CLEC12B: variants seen among roughly 807,000 people sequenced by gnomAD.
The protein encoded by CLEC12B is macrophage antigen h.
A neutral mutation model predicts 36.1 loss-of-function variants in CLEC12B; 25 were observed. The observed-to-expected ratio is 0.69, with a 90% CI of 0.50 to 0.97. CLEC12B has a LOEUF of 0.97. Among genes scored for constraint, CLEC12B ranks in the 50% least tolerant of loss-of-function variants. The pLI, the probability that CLEC12B is intolerant of heterozygous loss-of-function variation, is 0.00. For missense variants in CLEC12B, 325 were observed against 318.4 expected, an observed-to-expected ratio of 1.02 and a Z score of -0.16; for synonymous variants, 110 against 108.5, an observed-to-expected ratio of 1.01 and a Z score of -0.09.
intron 4 of CLEC12B, 99 bp downstream of exon 4, chr12:10,015,505 T>C: frequency 6.4e-7 from 1 of 1,557,726 alleles, no homozygotes; most frequent in South Asian, 1.2e-5. Context: ...TCAGTGCATC[T>C]TGAATTAGAA....
chr12:10,017,684 C>T, intron 5 of CLEC12B: 1 of 937,638 alleles, frequency 1.1e-6, no homozygotes, highest in Non-Finnish European at 1.3e-6. Flanking sequence ...AAGAATATGG[C>T]AGTGTAATGC....
chr12:10,006,632 G>A (rs1184514976), upstream of CLEC12B, among the ~76,000 whole-genome samples: 1 of 152,110 alleles, frequency 6.6e-6, no homozygotes, highest in Non-Finnish European at 1.5e-5. Flanking sequence ...AAGAAAGTTT[G>A]TCACGAAAAG....
Position 10,015,693 on chromosome 12 carries a change from T to A in CLEC12B, c.646T>A (p.Phe216Ile), listed in dbSNP as rs1217535098. The A allele has an allele frequency of 3.1e-6, 5 of 1,613,634 alleles. No homozygotes were observed. Among genetic ancestry groups the A allele is most frequent in the Non-Finnish European group, 4.2e-6 (5 of 1,179,716 alleles). ...ATGGGACTCCTCTGGCAGAAGTTGG[T>A]TCTGGGAAGATGGCTCTGTTCCCTC... is the stretch of plus-strand genomic sequence containing the variant. ...LSWDSSGRSW[F>I]WEDGSVPSPS... The change falls in exon 5 of 6, where the codon TTC (phenylalanine) becomes ATC (isoleucine). Residue 216 changes from phenylalanine to isoleucine, a missense_variant. By Grantham distance (21) the Phe-to-Ile change is conservative (BLOSUM62 0). Transcript: ENST00000338896.
At chr12:10,006,631 T>G (rs962925863), upstream of CLEC12B, among the ~76,000 whole-genome samples, 2 of 152,298 alleles carry the variant, frequency 1.3e-5, no homozygotes, top group Admixed American at 6.5e-5. Context: ...GAAGAAAGTT[T>G]GTCACGAAAA....
Position 10,010,660 on chromosome 12 carries a change from A to T in CLEC12B, c.-100A>T, listed in dbSNP as rs1865303583. 2.9e-6 allele frequency: 2 copies of T among 684,382 alleles called. No individual in the cohort carries two copies. The highest frequency in any genetic ancestry group is 1.7e-5 in the South Asian group (1 of 60,326). The allele number at this position is 684,382 out of a possible 1,614,324, so 42.4% of individuals were successfully genotyped here. On this transcript the variant is annotated 5_prime_UTR_variant, in exon 1 of 6. Transcript: ENST00000338896. The stretch of plus-strand genomic sequence containing the variant: ...AGAGTGTGTCTGGGTCAGCTGAGTG[A>T]CTACATCAAAGCTCCCAGCCTTGAA...
chr12:10,014,788 C>T (rs751300240), intron 3 of CLEC12B, 47 bp downstream of exon 3: 26 of 1,344,756 alleles, frequency 1.9e-5, no homozygotes, highest in Non-Finnish European at 2.8e-5. Context: ...ATATGTTATC[C>T]TGGTCTAAGT....
At chr12:10,008,888 A>C (rs1269330627), upstream of CLEC12B, among the ~76,000 whole-genome samples, 2 of 152,176 alleles carry the variant, frequency 1.3e-5, no homozygotes, top group Non-Finnish European at 2.9e-5. Context: ...AATCTGGTGA[A>C]AGTCATGAGA....
intron 1 of CLEC12B, among the ~76,000 whole-genome samples, chr12:10,011,460 G>A (rs545297305): frequency 1.2e-3 from 179 of 152,078 alleles, no homozygotes; most frequent in African/African-American, 4.0e-3. Context: ...AATAATATTC[G>A]AATATTAGTA....
chr12:10,009,066 T>C (rs1007377556), upstream of CLEC12B, among the ~76,000 whole-genome samples: 2 of 151,948 alleles, frequency 1.3e-5, no homozygotes, highest in Non-Finnish European at 2.9e-5. Context: ...GCGGTGAGGA[T>C]TGAAAAAAGG....
rs1268318562 is a variant in CLEC12B at position 10,010,811 on chromosome 12, G to A, written c.52G>A (p.Ala18Thr). The A allele has an allele frequency of 2.5e-6, 4 of 1,612,026 alleles. No individual in the cohort carries two copies. The highest frequency in any genetic ancestry group is 3.4e-6 in the Non-Finnish European group (4 of 1,178,492). Residue 18 changes from alanine to threonine, a missense_variant, in exon 1 of 6, where the codon GCA becomes ACA. Coordinates refer to ENST00000338896, the MANE Select transcript of CLEC12B (RefSeq NM_001129998.3). ...ACTCACATTTCAGGATTCTGCTGGA[G>A]CAAGGAATAACCGAGATGGAAATAA... ...ATLTFQDSAG[A>T]RNNRDGNNLR...
chr12:10,017,006 A>G, intron 5 of CLEC12B: 1 of 983,812 alleles, frequency 1.0e-6, no homozygotes, highest in Non-Finnish European at 1.2e-6. Context: ...AAACTGAATA[A>G]TAATCACTCA....
At position 10,015,392 on chromosome 12, in the gene CLEC12B, A is replaced by G; in HGVS notation, c.550A>G (p.Ser184Gly). The change falls in exon 4 of 6, where the codon AGT (serine) becomes GGT (glycine). Residue 184 changes from serine (S) to glycine (G), a missense_variant. Ser to Gly is a moderately conservative substitution (Grantham distance 56). Coordinates refer to ENST00000338896, the MANE Select transcript of CLEC12B (RefSeq NM_001129998.3). ...DKNSTLVKID[S>G]LEEKDFLMSQ... The stretch of plus-strand genomic sequence containing the variant: ...GAACTCCACCCTAGTGAAGATAGAC[A>G]GTTTGGAAGAAAAGGTAGGATTGAG... 1 of 1,612,070 alleles carries G rather than the reference A, an allele frequency of 6.2e-7. No individual in the cohort carries two copies. The highest frequency in any genetic ancestry group is 8.5e-7 in the Non-Finnish European group (1 of 1,179,202).
intron 1 of CLEC12B, among the ~76,000 whole-genome samples, chr12:10,011,690 C>T (rs1865330810): frequency 6.6e-6 from 1 of 152,152 alleles, no homozygotes; most frequent in South Asian, 2.1e-4. Context: ...TCCAGGTTCT[C>T]CTGAATCATG....
At chr12:10,006,304 A>G (rs17205441), upstream of CLEC12B, among the ~76,000 whole-genome samples, 4,191 of 152,284 alleles carry the variant, frequency 0.028, 128 homozygotes, top group African/African-American at 0.06. Context: ...CCATTCAGAT[A>G]CGTGGTCCTG....
intron 2 of CLEC12B, chr12:10,013,219 T>C (rs202041022): frequency 3.4e-6 from 1 of 291,712 alleles, no homozygotes; most frequent in Non-Finnish European, 6.4e-6. Flanking sequence ...TCAAGAAATA[T>C]GTATTGAAGG....
intron 1 of CLEC12B, among the ~76,000 whole-genome samples, 164 bp downstream of exon 1, chr12:10,011,014 TTGAAG>T (rs1865315320): frequency 6.6e-6 from 1 of 152,122 alleles, no homozygotes; most frequent in African/African-American, 2.4e-5. Flanking sequence ...GTTCCCAAGG[TTGAAG>T]TGAAAATATG....
chr12:10,018,213 A>G, intron 5 of CLEC12B, 118 bp from the exon 6 acceptor site: 2 of 708,890 alleles, frequency 2.8e-6, no homozygotes, highest in East Asian at 3.3e-5. Context: ...AGCTTTGTGG[A>G]GGCAGAAGTC....
intron 1 of CLEC12B, among the ~76,000 whole-genome samples, chr12:10,012,559 A>C (rs1349707714): frequency 3.3e-5 from 5 of 152,074 alleles, no homozygotes; most frequent in African/African-American, 1.2e-4. Context: ...CCCTCCCCCA[A>C]CGAAGCTTCC....
intron 2 of CLEC12B, 142 bp downstream of exon 2, chr12:10,013,025 C>T (rs1020755982): frequency 4.5e-6 from 3 of 659,678 alleles, no homozygotes; most frequent in African/African-American, 1.9e-5. Context: ...TCCTATTCGT[C>T]ATATCTTCCC....
Sources: allele counts gnomAD v4.1 joint callset (sites outside exome capture counted in the v4.1 genomes callset), GRCh38; gene constraint gnomAD v4.1.1; transcripts MANE v1.5; gene names NCBI Gene and HGNC (gene_info 2026-07-23, HGNC 2026-07-21).